The following ANO2 variants were observed in gnomAD, a reference collection of about 807,000 sequenced individuals.
ANO2 encodes anoctamin-2.
Under a neutral mutation model 124.2 loss-of-function variants are expected in ANO2, and 101 were observed. The observed-to-expected ratio is 0.81, with a 90% confidence interval of 0.69 to 0.96. The LOEUF (loss-of-function observed/expected upper bound fraction) is 0.96. ANO2 is among the 40% of genes least tolerant of loss of function. The pLI is 0.00. For synonymous variants in ANO2, 486 were observed against 482.5 expected (o/e 1.01, Z -0.09); for missense variants, 1,293 against 1,274.5 (o/e 1.01, Z -0.22).
At chr12:5,822,502 G>A (rs1285336331) in intron 7 of ANO2, among the ~76,000 whole-genome samples, 4 of 152,150 alleles carry the variant, frequency 2.6e-5, no homozygotes, top group Non-Finnish European at 5.9e-5. Context: ...GGTTACACAT[G>A]GGCTTAGCAA....
intron 14 of ANO2, among the ~76,000 whole-genome samples, chr12:5,653,106 G>T (rs889066768): frequency 6.6e-6 from 1 of 152,214 alleles, no homozygotes; most frequent in Non-Finnish European, 1.5e-5. Context: ...GACGATAAAT[G>T]CCAAGTGGCC....
At chr12:5,914,154 T>C (rs1349149716) in intron 3 of ANO2, among the ~76,000 whole-genome samples, 2 of 151,446 alleles carry the variant, frequency 1.3e-5, no homozygotes, top group Non-Finnish European at 2.9e-5. Context: ...GAGCCAAGAT[T>C]GCGCTACTGC....
At chr12:5,749,156 T>G (rs1951364584) in intron 11 of ANO2, among the ~76,000 whole-genome samples, 1 of 152,216 alleles carries the variant, frequency 6.6e-6, no homozygotes, top group South Asian at 2.1e-4. Context: ...GAAGCAGGTT[T>G]CTGCCCACTG....
intron 4 of ANO2, among the ~76,000 whole-genome samples, chr12:5,834,106 C>T (rs949137082): frequency 1.3e-5 from 2 of 152,158 alleles, no homozygotes; most frequent in African/African-American, 4.8e-5. Flanking sequence ...CTGGCTACCA[C>T]CAAGTGACCC....
At chr12:5,915,012 C>T (rs1941297139) in intron 3 of ANO2, among the ~76,000 whole-genome samples, 1 of 152,148 alleles carries the variant, frequency 6.6e-6, no homozygotes, top group Admixed American at 6.5e-5. Context: ...TTCAGCTCAC[C>T]CACTCGCAGT....
At chr12:5,653,312 T>C (rs1478246811) in intron 14 of ANO2, among the ~76,000 whole-genome samples, 3 of 152,326 alleles carry the variant, frequency 2.0e-5, no homozygotes, top group South Asian at 2.1e-4. Flanking sequence ...AAAATGTTCA[T>C]ACATTGACCC....
intron 14 of ANO2, among the ~76,000 whole-genome samples, chr12:5,699,996 C>CTT (rs1279274730): frequency 1.3e-5 from 2 of 152,174 alleles, no homozygotes; most frequent in Non-Finnish European, 2.9e-5. Context: ...TAATGGGAGA[C>CTT]TTTAACACCC....
In ANO2 at chr12:5,900,460, C is replaced by A. The variant is rs1160533658; in HGVS notation, c.534+20580G>T. 2.0e-5 allele frequency among the ~76,000 whole-genome samples: 3 copies of A among 152,144 alleles called. No individual in the cohort carries two copies. Among genetic ancestry groups the A allele is most frequent in the Non-Finnish European group, 4.4e-5 (3 of 68,020 alleles). On this transcript the variant is annotated intron_variant, in intron 3 of 24. Transcript: ENST00000682330. This position sits in a 1 kb window ranked among gnomAD's most constrained non-coding sequence, Gnocchi z 4.2. Reference sequence around the variant, plus strand: ...GAATTTGAGTATGTTACTGAACTTCCATGGACCTCCATCTGTAAAATGAGA... The same window carrying A: ...GAATTTGAGTATGTTACTGAACTTCAATGGACCTCCATCTGTAAAATGAGA...
chr12:5,691,539 T>C (rs1442429289), intron 14 of ANO2, among the ~76,000 whole-genome samples: 1 of 151,774 alleles, frequency 6.6e-6, no homozygotes, highest in African/African-American at 2.4e-5. Context: ...GTAAGAGCCT[T>C]CCAGAAGAAG....
At chr12:5,785,809 C>T (rs1465559510) in intron 10 of ANO2, among the ~76,000 whole-genome samples, 1 of 152,198 alleles carries the variant, frequency 6.6e-6, no homozygotes, top group African/African-American at 2.4e-5. Flanking sequence ...GGCCTTCATG[C>T]CAGGTCCCCT....
At chr12:5,927,689 G>A (rs998287164) in intron 1 of ANO2, among the ~76,000 whole-genome samples, 1 of 152,208 alleles carries the variant, frequency 6.6e-6, no homozygotes, top group Admixed American at 6.5e-5. Flanking sequence ...TTGGTAAAAA[G>A]CATTTTGAAA....
chr12:5,921,010 TC>T, intron 3 of ANO2, 29 bp downstream of exon 3: 1 of 1,582,606 alleles, frequency 6.3e-7, no homozygotes, highest in South Asian at 1.2e-5. Flanking sequence ...CCATTCCATC[TC>T]CAAGTCCCTG....
intron 4 of ANO2, among the ~76,000 whole-genome samples, chr12:5,850,428 A>C (rs1325307665): frequency 6.6e-6 from 1 of 151,820 alleles, no homozygotes; most frequent in African/African-American, 2.4e-5. Context: ...AAAAAAAAAA[A>C]AAAAAGAAAG....
At chr12:5,778,291 A>G (rs1246564595) in intron 10 of ANO2, among the ~76,000 whole-genome samples, 1 of 152,262 alleles carries the variant, frequency 6.6e-6, no homozygotes, top group Admixed American at 6.5e-5. Flanking sequence ...AATGAGTATT[A>G]TAAAGCTAGG....
intron 11 of ANO2, among the ~76,000 whole-genome samples, 180 bp from the exon 12 acceptor site, chr12:5,744,497 T>G (rs528327208): frequency 6.6e-6 from 1 of 152,184 alleles, no homozygotes; most frequent in Non-Finnish European, 1.5e-5. Flanking sequence ...ACTCATACTT[T>G]GTTCAAAAAC....
intron 3 of ANO2, among the ~76,000 whole-genome samples, chr12:5,867,965 TA>T (rs1156997456): frequency 1.3e-5 from 2 of 151,820 alleles, no homozygotes; most frequent in Non-Finnish European, 2.9e-5. Context: ...GAGTACAAAA[TA>T]AAAATAGAAA....
intron 3 of ANO2, among the ~76,000 whole-genome samples, chr12:5,899,325 A>G (rs1940014923): frequency 6.6e-6 from 1 of 152,176 alleles, no homozygotes. Context: ...GGAAACAGAC[A>G]CACTTAGTGG....
intron 15 of ANO2, 44 bp downstream of exon 15, chr12:5,647,683 T>C (rs774492531): frequency 1.4e-6 from 2 of 1,395,492 alleles, no homozygotes; most frequent in Non-Finnish European, 2.0e-6. Flanking sequence ...TAACAGCATC[T>C]ACATGCATGC....
chr12:5,569,451 C>T (rs1374855855), intron 23 of ANO2, among the ~76,000 whole-genome samples: 1 of 152,170 alleles, frequency 6.6e-6, no homozygotes, highest in Non-Finnish European at 1.5e-5. Context: ...CCTTCATTTT[C>T]CTTGAGGCTT....
Sources: gnomAD v4.1 joint callset for allele counts (sites outside exome capture counted in the v4.1 genomes callset) on GRCh38, gnomAD v4.1.1 for gene constraint, Gnocchi (gnomAD v3.1) non-coding constraint, MANE v1.5 for transcripts, NCBI Gene and HGNC (gene_info 2026-07-23, HGNC 2026-07-21) for gene names.